Variants in GPR158 observed in about 807,000 individuals in gnomAD.
GPR158 encodes the protein metabotropic glycine receptor.
A neutral mutation model predicts 78.2 loss-of-function variants in GPR158; 30 were observed. The observed-to-expected ratio is 0.38, with a 90% CI of 0.29 to 0.52. The LOEUF is 0.52. Ranked by LOEUF, GPR158 falls within the 20% of genes least tolerant of loss-of-function variation. The pLI is 0.83. For missense variants in GPR158, 1,463 were observed against 1,523.5 expected (o/e 0.96, Z 0.66); for synonymous variants, 581 against 591.1 (o/e 0.98, Z 0.25).
At chr10:25,369,059 G>T (rs1020196599) in intron 2 of GPR158, among the ~76,000 whole-genome samples, 120 of 151,554 alleles carry the variant, frequency 7.9e-4, no homozygotes, top group Non-Finnish European at 1.2e-3. Context: ...ATCAGCTTGA[G>T]ATTTTGGGCT....
At chr10:25,548,483 T>C (rs1031598152) in intron 5 of GPR158, among the ~76,000 whole-genome samples, 9 of 152,356 alleles carry the variant, frequency 5.9e-5, no homozygotes, top group Admixed American at 5.2e-4. Context: ...CCAGGCACTG[T>C]GTTTGACTGC....
chr10:25,314,031 T>C (rs962487690), intron 2 of GPR158, among the ~76,000 whole-genome samples: 3 of 152,180 alleles, frequency 2.0e-5, no homozygotes, highest in African/African-American at 7.2e-5. Context: ...TTTAAAACGT[T>C]TTATTATTGA....
intron 2 of GPR158, among the ~76,000 whole-genome samples, chr10:25,385,131 C>T (rs1464380897): frequency 2.0e-5 from 3 of 152,044 alleles, no homozygotes; most frequent in South Asian, 2.1e-4. Flanking sequence ...ATTCCCTTGC[C>T]CCTAACCCTT....
chr10:25,231,337 T>C (rs1853445632), intron 2 of GPR158, among the ~76,000 whole-genome samples: 2 of 152,176 alleles, frequency 1.3e-5, no homozygotes, highest in African/African-American at 4.8e-5. Context: ...GAGGCAATAT[T>C]ATAGGAAGCA....
intron 2 of GPR158, among the ~76,000 whole-genome samples, chr10:25,389,956 A>C (rs1025744479): frequency 6.6e-6 from 1 of 152,166 alleles, no homozygotes; most frequent in Non-Finnish European, 1.5e-5. Context: ...TCATGGGAGC[A>C]GGTTTTTTCC....
At chr10:25,263,286 C>G (rs902951822) in intron 2 of GPR158, among the ~76,000 whole-genome samples, 1 of 152,216 alleles carries the variant, frequency 6.6e-6, no homozygotes, top group East Asian at 1.9e-4. Context: ...TTTTGAAAAG[C>G]CTGCTTTTCT....
At chr10:25,490,556 T>C (rs985857361) in intron 5 of GPR158, among the ~76,000 whole-genome samples, 1 of 147,630 alleles carries the variant, frequency 6.8e-6, no homozygotes, top group Non-Finnish European at 1.5e-5. Flanking sequence ...GGTTTTTTGT[T>C]CTTGCGATAG....
intron 1 of GPR158, among the ~76,000 whole-genome samples, chr10:25,215,311 A>G (rs540122118): frequency 2.7e-4 from 41 of 152,288 alleles, no homozygotes; most frequent in African/African-American, 8.2e-4. Context: ...AACCTAGAGT[A>G]GTTAAACTCA....
At chr10:25,444,684 T>C (rs899615572) in intron 4 of GPR158, among the ~76,000 whole-genome samples, 29 of 151,898 alleles carry the variant, frequency 1.9e-4, no homozygotes, top group Non-Finnish European at 3.4e-4. Flanking sequence ...AATGAGAGAA[T>C]GGTAAAAAAA....
At chr10:25,346,181 AT>A (rs1165075612) in intron 2 of GPR158, among the ~76,000 whole-genome samples, 1 of 151,914 alleles carries the variant, frequency 6.6e-6, no homozygotes, top group African/African-American at 2.4e-5. Flanking sequence ...TCAAATAGCC[AT>A]ATGTTAGGTT....
At chr10:25,375,216 A>AT (rs1271749110) in intron 2 of GPR158, among the ~76,000 whole-genome samples, 1 of 151,630 alleles carries the variant, frequency 6.6e-6, no homozygotes, top group Non-Finnish European at 1.5e-5. Context: ...CTTTGCGTAT[A>AT]TTCTAATTGC....
chr10:25,269,509 G>A (rs1048397251), intron 2 of GPR158, among the ~76,000 whole-genome samples: 1 of 152,060 alleles, frequency 6.6e-6, no homozygotes, highest in Non-Finnish European at 1.5e-5. Flanking sequence ...TTATATTTTA[G>A]CACAGAAGGA....
chr10:25,504,091 A>AT (rs1409124796), intron 5 of GPR158, among the ~76,000 whole-genome samples: 3 of 151,986 alleles, frequency 2.0e-5, no homozygotes, highest in African/African-American at 7.2e-5. Context: ...GGGTTTCGCC[A>AT]TATCAGCCAG....
In GPR158 at chr10:25,191,019, T is replaced by C. The variant is rs1252376673; in HGVS notation, c.902+14697T>C. 4.6e-5 allele frequency among the ~76,000 whole-genome samples: 7 copies of C among 152,210 alleles called. No homozygotes were observed. In the East Asian group the frequency reaches 1.3e-3, roughly 29 times the overall value. On this transcript the variant is annotated intron_variant, in intron 1 of 10. Coordinates refer to ENST00000376351, the MANE Select transcript of GPR158 (RefSeq NM_020752.3). ...AAGGTAAACTTTTAGGATGGTTGTTTTGGGTATTGACAATAATTAGTTCTT... is the reference window on the plus strand; with the variant it reads ...AAGGTAAACTTTTAGGATGGTTGTTCTGGGTATTGACAATAATTAGTTCTT...
At chr10:25,512,371 T>C (rs1046209225) in intron 5 of GPR158, among the ~76,000 whole-genome samples, 1 of 152,152 alleles carries the variant, frequency 6.6e-6, no homozygotes, top group African/African-American at 2.4e-5. Flanking sequence ...CTGCTTTGTG[T>C]ACATTAATTT....
At chr10:25,509,996 G>A (rs145054585) in intron 5 of GPR158, among the ~76,000 whole-genome samples, 4,130 of 152,282 alleles carry the variant, frequency 0.027, 202 homozygotes, top group African/African-American at 0.093. Context: ...TTACAGGCAT[G>A]AGCCACCGTG....
chr10:25,511,011 G>A (rs769899699), intron 5 of GPR158, among the ~76,000 whole-genome samples: 1 of 152,178 alleles, frequency 6.6e-6, no homozygotes, highest in African/African-American at 2.4e-5. Flanking sequence ...AACCATGCAT[G>A]TGCAAGTATC....
intron 2 of GPR158, among the ~76,000 whole-genome samples, chr10:25,383,131 G>A (rs1773623): frequency 0.65 from 98,027 of 151,942 alleles, 32,567 homozygotes; most frequent in Non-Finnish European, 0.73. Flanking sequence ...CGCCGCTCCC[G>A]GCCCAGATGA....
intron 2 of GPR158, among the ~76,000 whole-genome samples, chr10:25,389,648 G>T (rs1834267389): frequency 2.0e-5 from 3 of 152,330 alleles, no homozygotes; most frequent in South Asian, 2.1e-4. Context: ...CACAAACAGG[G>T]CTGAAACACG....
Sources: gnomAD v4.1 joint callset for allele counts (sites outside exome capture counted in the v4.1 genomes callset) on GRCh38, gnomAD v4.1.1 for gene constraint, MANE v1.5 for transcripts, NCBI Gene and HGNC (gene_info 2026-07-23, HGNC 2026-07-21) for gene names.